The following TENM1 variants were observed in gnomAD, a reference collection of about 807,000 sequenced individuals.
TENM1 encodes teneurin-1.
In TENM1, 35 loss-of-function variants were observed where a neutral mutation model predicts 174.8. That is an observed-to-expected ratio of 0.20 (90% CI 0.15 to 0.27). The LOEUF (loss-of-function observed/expected upper bound fraction) is 0.27. Among genes scored for constraint, TENM1 ranks in the 10% least tolerant of loss-of-function variants. The pLI is 1.00. For missense variants in TENM1, 1,633 were observed against 2,130.1 expected, an observed-to-expected ratio of 0.77 and a Z score of 4.59; for synonymous variants, 781 against 798.7, an observed-to-expected ratio of 0.98 and a Z score of 0.37.
intron 1 of TENM1, among the ~76,000 whole-genome samples, chrX:124,918,770 A>G (rs2057972290): frequency 9.0e-6 from 1 of 111,394 alleles, no homozygotes; most frequent in Non-Finnish European, 1.9e-5. Context: ...AATGACTCAG[A>G]GAGGTAGGCA....
chrX:124,611,510 C>T (rs1382000659), intron 11 of TENM1, among the ~76,000 whole-genome samples: 1 of 111,553 alleles, frequency 9.0e-6, no homozygotes, highest in African/African-American at 3.3e-5. Context: ...TTTGGAAGCT[C>T]CTAAGGTACT....
intron 18 of TENM1, among the ~76,000 whole-genome samples, chrX:124,504,552 AC>A (rs1234181127): frequency 9.0e-6 from 1 of 111,621 alleles, no homozygotes; most frequent in African/African-American, 3.3e-5. Flanking sequence ...TCTTAAATTT[AC>A]AATGCTTTCT....
chrX:124,714,275 T>C (rs2053129606), intron 4 of TENM1, among the ~76,000 whole-genome samples: 1 of 112,148 alleles, frequency 8.9e-6, no homozygotes, highest in Admixed American at 9.5e-5. Context: ...TGCTAGAATG[T>C]AAGCTACATG....
intron 4 of TENM1, among the ~76,000 whole-genome samples, chrX:124,720,874 C>T (rs1018716515): frequency 2.7e-5 from 3 of 111,618 alleles, no homozygotes; most frequent in Admixed American, 9.5e-5. Context: ...CAGAAAGAAT[C>T]ATGACTGCTC....
intron 1 of TENM1, among the ~76,000 whole-genome samples, chrX:124,916,432 C>T (rs1226742815): frequency 9.0e-6 from 1 of 111,141 alleles, no homozygotes. Flanking sequence ...CTCAGTCTTC[C>T]TTGTAGCTGG....
At chrX:124,937,865 T>C (rs966342252) in intron 1 of TENM1, among the ~76,000 whole-genome samples, 3 of 112,095 alleles carry the variant, frequency 2.7e-5, no homozygotes, top group Non-Finnish European at 5.6e-5. Context: ...CTCATTTTCA[T>C]TTGCTGAGCT....
chrX:124,938,818 G>A (rs1024441054), intron 1 of TENM1, among the ~76,000 whole-genome samples: 3 of 111,374 alleles, frequency 2.7e-5, no homozygotes, highest in African/African-American at 9.8e-5. Context: ...TATATACATC[G>A]ATGCTCAAAT....
chrX:124,841,413 A>G (rs973622663), intron 3 of TENM1, among the ~76,000 whole-genome samples: 1 of 111,553 alleles, frequency 9.0e-6, no homozygotes, highest in African/African-American at 3.3e-5. Context: ...TGCAAAGGCA[A>G]AAAGATTTCC....
intron 11 of TENM1, among the ~76,000 whole-genome samples, chrX:124,596,522 T>C (rs2049895055): frequency 8.9e-6 from 1 of 111,970 alleles, no homozygotes; most frequent in Admixed American, 9.5e-5. Context: ...CAGAGTGCAA[T>C]GGGAGACTGT....
chrX:124,915,327 C>T (rs1419915330), intron 1 of TENM1, among the ~76,000 whole-genome samples: 2 of 111,891 alleles, frequency 1.8e-5, no homozygotes, highest in African/African-American at 6.5e-5. Flanking sequence ...GAGTTTGAGA[C>T]CAGCCTGGCC....
intron 6 of TENM1, among the ~76,000 whole-genome samples, chrX:124,666,683 G>A (rs1390298594): frequency 9.0e-6 from 1 of 111,447 alleles, no homozygotes; most frequent in African/African-American, 3.3e-5. Flanking sequence ...CTGAAAGGCC[G>A]TATACAGACC....
chrX:125,089,646 G>A, the TENM1 span, among the ~76,000 whole-genome samples: 1 of 111,619 alleles, frequency 9.0e-6, no homozygotes, highest in South Asian at 3.8e-4. Context: ...AGCCTTTTGA[G>A]ACAGAACTCA....
chrX:125,190,025 T>C, the TENM1 span, among the ~76,000 whole-genome samples: 1 of 111,741 alleles, frequency 8.9e-6, no homozygotes, highest in Non-Finnish European at 1.9e-5. Context: ...ATATATGCTT[T>C]GAAACTCCTA....
chrX:124,553,311 C>T (rs760498363), intron 14 of TENM1, among the ~76,000 whole-genome samples: 1 of 108,885 alleles, frequency 9.2e-6, no homozygotes, highest in East Asian at 2.9e-4. Flanking sequence ...ACCAGCCTGG[C>T]CTATATGATG....
At chrX:125,143,678 G>A in the TENM1 span, among the ~76,000 whole-genome samples, 6 of 111,095 alleles carry the variant, frequency 5.4e-5, no homozygotes, top group Admixed American at 2.9e-4. Flanking sequence ...GAATTTTTCC[G>A]ACATTGTGAT....
chrX:124,904,828 C>T (rs1368215521), intron 1 of TENM1, among the ~76,000 whole-genome samples: 1 of 111,559 alleles, frequency 9.0e-6, no homozygotes, highest in Non-Finnish European at 1.9e-5. Flanking sequence ...GTCACAAAGC[C>T]TTGGTAAAAG....
the TENM1 span, among the ~76,000 whole-genome samples, chrX:125,147,128 C>A: frequency 9.4e-6 from 1 of 106,662 alleles, no homozygotes; most frequent in Non-Finnish European, 1.9e-5. Flanking sequence ...TTTATATATA[C>A]ACACATATGT....
chrX:124,450,753 A>C (rs2061026526), intron 23 of TENM1, among the ~76,000 whole-genome samples: 1 of 111,375 alleles, frequency 9.0e-6, no homozygotes, highest in Non-Finnish European at 1.9e-5. Flanking sequence ...CCCACTTCTA[A>C]AGGGTCTGAA....
chrX:124,487,142 A>C (rs1385379084), intron 21 of TENM1, 67 bp downstream of exon 24: 1 of 1,035,043 alleles, frequency 9.7e-7, no homozygotes, highest in African/African-American at 1.9e-5. Flanking sequence ...CCCTATTAAC[A>C]CATTATCAGG....
Sources: allele counts gnomAD v4.1 joint callset (sites outside exome capture counted in the v4.1 genomes callset), GRCh38; gene constraint gnomAD v4.1.1; transcripts MANE v1.5; gene names NCBI Gene and HGNC (gene_info 2026-07-23, HGNC 2026-07-21).